Variants in LUZP2 observed in about 807,000 individuals in gnomAD.
The protein encoded by LUZP2 is leucine zipper protein 2.
In LUZP2, 52 loss-of-function variants were observed where a neutral mutation model predicts 51.6. The ratio of observed to expected loss-of-function variants is 1.01; its 90% CI spans 0.81 to 1.27. The LOEUF (loss-of-function observed/expected upper bound fraction) is 1.27. LUZP2 is among the 50% of genes most tolerant of loss of function. The pLI is 0.00. For missense variants in LUZP2, 436 were observed against 395.4 expected (o/e 1.10, Z -0.87); for synonymous variants, 154 against 137.3 (o/e 1.12, Z -0.85).
At chr11:24,751,980 AAGAAT>A (rs1304123524) in intron 4 of LUZP2, among the ~76,000 whole-genome samples, 1 of 152,122 alleles carries the variant, frequency 6.6e-6, no homozygotes, top group East Asian at 1.9e-4. Flanking sequence ...AGGTAAAATA[AAGAAT>A]ACACTAAACG....
chr11:24,635,297 A>G (rs1855053407), intron 1 of LUZP2, among the ~76,000 whole-genome samples: 1 of 152,170 alleles, frequency 6.6e-6, no homozygotes, highest in Non-Finnish European at 1.5e-5. Context: ...GCATTACCAA[A>G]AAAATGCAAA....
intron 1 of LUZP2, among the ~76,000 whole-genome samples, chr11:24,608,248 C>G (rs181975652): frequency 4.3e-4 from 65 of 152,286 alleles, no homozygotes; most frequent in African/African-American, 1.5e-3. Flanking sequence ...GCAACACCCA[C>G]TTAGAGAATT....
intron 1 of LUZP2, among the ~76,000 whole-genome samples, chr11:24,509,090 G>A (rs1163900997): frequency 1.3e-5 from 2 of 152,186 alleles, no homozygotes; most frequent in African/African-American, 4.8e-5. Flanking sequence ...CATGTGCGAT[G>A]AGTGAGGGTT....
chr11:24,857,901 G>A (rs1851619892), intron 5 of LUZP2, among the ~76,000 whole-genome samples: 1 of 152,086 alleles, frequency 6.6e-6, no homozygotes, highest in Admixed American at 6.5e-5. Context: ...TCATTGGGGT[G>A]CACCCAGTTC....
At chr11:24,904,352 G>A (rs1164374736) in intron 5 of LUZP2, among the ~76,000 whole-genome samples, 2 of 151,774 alleles carry the variant, frequency 1.3e-5, no homozygotes, top group East Asian at 1.9e-4. Flanking sequence ...CCGTGATCTC[G>A]GCTCACTGCA....
At chr11:24,599,836 C>T (rs1048509818) in intron 1 of LUZP2, among the ~76,000 whole-genome samples, 28 of 151,984 alleles carry the variant, frequency 1.8e-4, no homozygotes, top group African/African-American at 6.3e-4. Flanking sequence ...ACAAGATTTT[C>T]CTCATTCATA....
intron 10 of LUZP2, among the ~76,000 whole-genome samples, chr11:25,076,205 TTC>T (rs1859293594): frequency 4.2e-5 from 6 of 142,538 alleles, no homozygotes; most frequent in Admixed American, 1.4e-4. Flanking sequence ...TGTTCTTGTT[TTC>T]GTTTTTGTTT....
rs975842080 is a variant in LUZP2, at chr11:24,671,951, C to A, written c.63-57218C>A. Among the ~76,000 whole-genome samples the A allele has an allele frequency of 1.8e-4, 28 of 151,996 alleles. 1 individual carries two copies. Among genetic ancestry groups the A allele is most frequent in the Admixed American group, 3.9e-4 (6 of 15,252 alleles). On this transcript the variant is annotated intron_variant, in intron 1 of 11. Coordinates refer to ENST00000336930, the MANE Select transcript of LUZP2 (RefSeq NM_001009909.4). Reference sequence around the variant, plus strand: ...TGCTTGCTCTCAGTAGGAAAAAAAACCACTCAATTTGCCATGCATAGAGCT... The same window carrying A: ...TGCTTGCTCTCAGTAGGAAAAAAAAACACTCAATTTGCCATGCATAGAGCT...
chr11:25,048,836 A>T (rs2121226), intron 9 of LUZP2, among the ~76,000 whole-genome samples: 70,667 of 150,500 alleles, frequency 0.47, 16,969 homozygotes, highest in Non-Finnish European at 0.51. Context: ...TTAATTAATT[A>T]ATTTATTTAT....
chr11:24,569,485 G>T (rs982863744), intron 1 of LUZP2, among the ~76,000 whole-genome samples: 39 of 152,132 alleles, frequency 2.6e-4, no homozygotes, highest in African/African-American at 8.7e-4. Flanking sequence ...ACTAGGTAAT[G>T]TTGATGCTGC....
At chr11:24,708,076 G>A (rs183518118) in intron 1 of LUZP2, among the ~76,000 whole-genome samples, 2 of 152,194 alleles carry the variant, frequency 1.3e-5, no homozygotes, top group African/African-American at 2.4e-5. Flanking sequence ...TTGGAATGAG[G>A]GTGGAGCAGG....
At chr11:24,865,515 G>T (rs1454304789) in intron 5 of LUZP2, among the ~76,000 whole-genome samples, 3 of 152,144 alleles carry the variant, frequency 2.0e-5, no homozygotes, top group Admixed American at 6.6e-5. Context: ...TCCCTGGCTT[G>T]CCTATCCAGC....
At chr11:24,761,771 T>C (rs1229392918) in intron 4 of LUZP2, among the ~76,000 whole-genome samples, 2 of 152,216 alleles carry the variant, frequency 1.3e-5, no homozygotes, top group Non-Finnish European at 2.9e-5. Context: ...TAACTGGTAT[T>C]ACATAAAATA....
chr11:24,968,309 T>C (rs1855647450), intron 7 of LUZP2, among the ~76,000 whole-genome samples: 1 of 152,168 alleles, frequency 6.6e-6, no homozygotes, highest in South Asian at 2.1e-4. Flanking sequence ...TCCACCATTG[T>C]ATCACAAAAG....
At position 25,046,749 on chromosome 11, in the gene LUZP2, A is replaced by T. The variant is rs978574212; in HGVS notation, c.766-3289A>T. On this transcript the variant is annotated intron_variant, in intron 9 of 11. Coordinates refer to ENST00000336930, the MANE Select transcript of LUZP2 (RefSeq NM_001009909.4). ...CTATAAAACTCAAAATTGAAAATTT[A>T]AAAAATCATCAACTATAATATACAT... Among the ~76,000 whole-genome samples the T allele has an allele frequency of 3.9e-5, 6 of 152,292 alleles. No homozygotes were observed. The South Asian group carries it at 8.3e-4, about 21-fold the overall frequency.
chr11:25,022,021 G>T (rs563610483), intron 9 of LUZP2, among the ~76,000 whole-genome samples: 1 of 151,960 alleles, frequency 6.6e-6, no homozygotes, highest in African/African-American at 2.4e-5. Context: ...ATTAAGGTTA[G>T]AAATGTTTTT....
chr11:24,904,812 A>T (rs1224601186), intron 5 of LUZP2, among the ~76,000 whole-genome samples: 5 of 152,162 alleles, frequency 3.3e-5, no homozygotes, highest in African/African-American at 1.2e-4. Flanking sequence ...TAATTAAAGT[A>T]TATAAAGTGG....
intron 1 of LUZP2, among the ~76,000 whole-genome samples, chr11:24,530,882 C>T (rs982276185): frequency 1.4e-5 from 2 of 146,886 alleles, no homozygotes; most frequent in Non-Finnish European, 3.0e-5. Flanking sequence ...CCTCGTTTTC[C>T]ATTTGGTCTT....
At chr11:24,543,203 C>T (rs1397698642) in intron 1 of LUZP2, among the ~76,000 whole-genome samples, 4 of 149,240 alleles carry the variant, frequency 2.7e-5, no homozygotes, top group East Asian at 3.9e-4. Flanking sequence ...AACCAGAAAA[C>T]GTGTTTGGTT....
Sources: allele counts gnomAD v4.1 joint callset (sites outside exome capture counted in the v4.1 genomes callset), GRCh38; gene constraint gnomAD v4.1.1; transcripts MANE v1.5; gene names NCBI Gene and HGNC (gene_info 2026-07-23, HGNC 2026-07-21).